The following TRAPPC9 variants were observed in gnomAD, a reference collection of about 807,000 sequenced individuals.
TRAPPC9 encodes the protein trafficking protein particle complex subunit 9, also known as IKK2 binding protein.
A neutral mutation model predicts 124.0 loss-of-function variants in TRAPPC9; 83 were observed. The observed-to-expected ratio is 0.67, with a 90% confidence interval of 0.56 to 0.80. TRAPPC9 has a LOEUF of 0.80. Among genes scored for constraint, TRAPPC9 ranks in the 30% least tolerant of loss-of-function variants. TRAPPC9 has a pLI of 0.00. For synonymous variants in TRAPPC9, 638 were observed against 617.5 expected (o/e 1.03, Z -0.49); for missense variants, 1,302 against 1,508.3 (o/e 0.86, Z 2.27).
intron 17 of TRAPPC9, among the ~76,000 whole-genome samples, chr8:140,206,466 C>A (rs2062919590): frequency 6.6e-6 from 1 of 152,046 alleles, no homozygotes; most frequent in Admixed American, 6.5e-5. Context: ...TCAGAAAATT[C>A]TCTGTATCCT....
At position 139,730,090 on chromosome 8, in the gene TRAPPC9, T is replaced by C. The variant is rs1468194538; in HGVS notation, c.*971A>G. Among the ~76,000 whole-genome samples, 3 of 152,098 alleles carry C rather than the reference T, an allele frequency of 2.0e-5. No homozygotes were observed. The highest frequency in any genetic ancestry group is 4.4e-5 in the Non-Finnish European group (3 of 68,012). On this transcript the variant is annotated 3_prime_UTR_variant, in exon 23 of 23. Coordinates refer to ENST00000438773, the MANE Select transcript of TRAPPC9 (RefSeq NM_001160372.4). ...GAGGAACGCAGGGCCAGCTGCCCAC[T>C]GTGGCGGCAGCTCGGGCCCAGTCAC...
chr8:139,977,838 G>C, intron 19 of TRAPPC9, among the ~76,000 whole-genome samples: 1 of 151,654 alleles, frequency 6.6e-6, no homozygotes, highest in South Asian at 2.1e-4. Flanking sequence ...GTGCCACCAC[G>C]CCCGGCTAAT....
chr8:140,447,045 C>G (rs1272858367), intron 2 of TRAPPC9, among the ~76,000 whole-genome samples: 1 of 152,162 alleles, frequency 6.6e-6, no homozygotes, highest in East Asian at 1.9e-4. Flanking sequence ...CAGAAACGTT[C>G]GCTCAGAAGC....
chr8:140,381,218 A>G (rs1202499620), intron 7 of TRAPPC9, among the ~76,000 whole-genome samples: 31 of 151,482 alleles, frequency 2.0e-4, no homozygotes, highest in Admixed American at 5.9e-4. Flanking sequence ...AAAAAAAAAA[A>G]AAGAAGAAGA....
intron 21 of TRAPPC9, among the ~76,000 whole-genome samples, chr8:139,812,846 A>G (rs1389939243): frequency 6.6e-6 from 1 of 152,104 alleles, no homozygotes; most frequent in Non-Finnish European, 1.5e-5. Flanking sequence ...TTCCTCAACT[A>G]TGGAATGGGG....
At chr8:139,774,455 T>C (rs1291117814) in intron 21 of TRAPPC9, among the ~76,000 whole-genome samples, 1 of 152,116 alleles carries the variant, frequency 6.6e-6, no homozygotes, top group Non-Finnish European at 1.5e-5. Flanking sequence ...CTGGGGCAGC[T>C]TTATCTCCTC....
chr8:139,906,201 C>T (rs1563911548), intron 20 of TRAPPC9, among the ~76,000 whole-genome samples: 1 of 152,262 alleles, frequency 6.6e-6, no homozygotes, highest in Non-Finnish European at 1.5e-5. Flanking sequence ...ACTCTGGAAG[C>T]AGGATGGCTG....
At chr8:140,254,898 G>A (rs967420091) in intron 15 of TRAPPC9, among the ~76,000 whole-genome samples, 11 of 152,194 alleles carry the variant, frequency 7.2e-5, no homozygotes, top group African/African-American at 2.2e-4. Flanking sequence ...AGTCCTGGTC[G>A]GAAGACCCAG....
At chr8:140,160,207 A>G (rs1181819156) in intron 17 of TRAPPC9, among the ~76,000 whole-genome samples, 2 of 152,226 alleles carry the variant, frequency 1.3e-5, no homozygotes, top group African/African-American at 4.8e-5. Flanking sequence ...GGGAGTGTAA[A>G]TTAGTTCAAC....
intron 17 of TRAPPC9, among the ~76,000 whole-genome samples, chr8:140,043,884 T>G (rs982933436): frequency 6.6e-6 from 1 of 152,090 alleles, no homozygotes; most frequent in Non-Finnish European, 1.5e-5. Context: ...CCAGTGGCCC[T>G]CCCAGCCTGC....
intron 21 of TRAPPC9, among the ~76,000 whole-genome samples, chr8:139,847,407 G>A (rs1363681880): frequency 2.0e-5 from 3 of 152,222 alleles, no homozygotes; most frequent in Non-Finnish European, 2.9e-5. Flanking sequence ...AGGGGGTTCC[G>A]GAGCCAGTTC....
rs1817712659 is a variant in TRAPPC9 at position 139,729,736 on chromosome 8, G to A, written c.*1325C>T. On this transcript the variant is annotated 3_prime_UTR_variant, in exon 23 of 23. Transcript: ENST00000438773. Reference sequence around the variant, plus strand: ...CTCAGGAAGTTCCCTCAGCCCCGCAGGCCTCCTGATGCCAACATGACTCTG... The same window carrying A: ...CTCAGGAAGTTCCCTCAGCCCCGCAAGCCTCCTGATGCCAACATGACTCTG... 6.6e-6 allele frequency among the ~76,000 whole-genome samples: 1 copy of A among 152,222 alleles called. No individual in the cohort carries two copies. The highest frequency in any genetic ancestry group is 2.4e-5 in the African/African-American group (1 of 41,452).
rs564505757 is a variant in TRAPPC9, at chr8:140,407,712, G to A, written c.887-2014C>T. ...TCAGCTCGCTACAACCCCCCTCCTC[G>A]CTACAATCAAGTGATTCTCCTGCCT... On this transcript the variant is annotated intron_variant, in intron 5 of 22. Transcript: ENST00000438773. Among the ~76,000 whole-genome samples the A allele has an allele frequency of 3.1e-4, 47 of 152,098 alleles. 1 individual carries two copies. The South Asian group carries it at 9.4e-3, about 30-fold the overall frequency.
chr8:140,397,747 T>C lies in TRAPPC9; in HGVS notation c.1009-2A>G. The C allele has an allele frequency of 6.2e-7, 1 of 1,614,072 alleles. No homozygotes were observed. The highest frequency in any genetic ancestry group is 1.1e-5 in the South Asian group (1 of 91,088). ...CTCAATCACTCCCGCATTCTTATAC[T>C]GCAGGGTGTAAAGGAAATGCCTCAG... On this transcript the variant is annotated splice_acceptor_variant, in intron 6 of 22. Coordinates refer to ENST00000438773, the MANE Select transcript of TRAPPC9 (RefSeq NM_001160372.4). LOFTEE classifies it high-confidence loss of function.
intron 10 of TRAPPC9, among the ~76,000 whole-genome samples, chr8:140,306,657 C>T (rs2066146225): frequency 6.6e-6 from 1 of 152,042 alleles, no homozygotes; most frequent in Non-Finnish European, 1.5e-5. Flanking sequence ...GAAAATTAGT[C>T]TCATATAAAA....
chr8:140,329,496 C>T (rs886441256), intron 9 of TRAPPC9, among the ~76,000 whole-genome samples: 1 of 152,156 alleles, frequency 6.6e-6, no homozygotes, highest in African/African-American at 2.4e-5. Flanking sequence ...TAGAGGCTCA[C>T]CTGCATTGCC....
intron 21 of TRAPPC9, among the ~76,000 whole-genome samples, chr8:139,784,109 T>TC (rs1356469435): frequency 6.6e-6 from 1 of 152,210 alleles, no homozygotes; most frequent in African/African-American, 2.4e-5. Flanking sequence ...GCATTTCTAT[T>TC]CAACACTGCA....
At chr8:140,435,089 G>T (rs1285421470) in intron 4 of TRAPPC9, 23 bp downstream of exon 4, 3 of 1,614,046 alleles carry the variant, frequency 1.9e-6, no homozygotes, top group African/African-American at 2.7e-5. Context: ...GTGAGCAGAG[G>T]CCGGAAAAAG....
Position 140,357,922 on chromosome 8 carries a change from G to A in TRAPPC9, c.1495+2128C>T, listed in dbSNP as rs142488761. Among the ~76,000 whole-genome samples, 82 of 152,316 alleles carry A rather than the reference G, an allele frequency of 5.4e-4. No homozygotes were observed. In the East Asian group the frequency reaches 0.015, roughly 28 times the overall value. On this transcript the variant is annotated intron_variant, in intron 9 of 22. Transcript: ENST00000438773. ...GAAAAGGAGCTGCACGGCTGTCGCA[G>A]GGGCCCCGGTCAGAGCAGAGATTCA... is the stretch of plus-strand genomic sequence containing the variant.
Sources: allele counts gnomAD v4.1 joint callset (sites outside exome capture counted in the v4.1 genomes callset), GRCh38; gene constraint gnomAD v4.1.1; transcripts MANE v1.5; gene names NCBI Gene and HGNC (gene_info 2026-07-23, HGNC 2026-07-21).